The following FGF13 variants were observed in gnomAD, a reference collection of about 807,000 sequenced individuals.
FGF13 encodes the protein fibroblast growth factor homologous factor 2.
Under a neutral mutation model 19.5 loss-of-function variants are expected in FGF13, and 2 were observed. That is an observed-to-expected ratio of 0.10 (90% CI 0.04 to 0.32). The LOEUF (loss-of-function observed/expected upper bound fraction) is 0.32. FGF13 is among the 10% of genes least tolerant of loss of function. The pLI, the probability that FGF13 is intolerant of heterozygous loss-of-function variation, is 1.00. For missense variants in FGF13, 113 were observed against 192.7 expected (o/e 0.59, Z 2.45); for synonymous variants, 72 against 76.9 (o/e 0.94, Z 0.33).
chrX:139,040,029 G>C (rs1304065373), intron 1 of FGF13, among the ~76,000 whole-genome samples: 3 of 112,210 alleles, frequency 2.7e-5, no homozygotes, highest in African/African-American at 9.7e-5. Flanking sequence ...AGTATGGCCT[G>C]AGAGAACTTA....
chrX:139,057,672 G>T (rs985923766), intron 1 of FGF13, among the ~76,000 whole-genome samples: 6 of 111,929 alleles, frequency 5.4e-5, no homozygotes, highest in Non-Finnish European at 1.1e-4. Context: ...AAATATTTTG[G>T]TATATCCATA....
intron 1 of FGF13, among the ~76,000 whole-genome samples, chrX:139,033,027 CAAA>C (rs758766077): frequency 2.9e-4 from 8 of 27,267 alleles, no homozygotes; most frequent in African/African-American, 9.3e-4. Context: ...TCTGATTATC[CAAA>C]AAAAAAAAAA....
chrX:139,034,274 T>C (rs911272163), intron 1 of FGF13, among the ~76,000 whole-genome samples: 3 of 110,960 alleles, frequency 2.7e-5, no homozygotes, highest in Admixed American at 1.9e-4. Flanking sequence ...ATAGGAAAAG[T>C]ACCTACAGCA....
chrX:139,186,897 G>C (rs1603234282), intron 1 of FGF13, among the ~76,000 whole-genome samples: 1 of 111,795 alleles, frequency 8.9e-6, no homozygotes, highest in Non-Finnish European at 1.9e-5. Context: ...AGCATTCCCT[G>C]GTCCTTCAAG....
At position 138,632,877 on chromosome X, in the gene FGF13, T is replaced by C; in HGVS notation, c.711A>G (p.Lys237=). 8.3e-7 allele frequency: 1 copy of C among 1,209,696 alleles called. No individual in the cohort carries two copies. The highest frequency in any genetic ancestry group is 1.1e-6 in the Non-Finnish European group (1 of 894,463). The stretch of plus-strand genomic sequence containing the variant: ...ACGTTGATTCATTGTGGCTCATGGA[T>C]TTGCCTCCGTTCAGCACGCCAGAGA... ...RSVSGVLNGG[K]SMSHNEST is the part of the protein sequence containing the mutation. Residue 237 remains lysine (K), a synonymous_variant, in exon 5 of 5, where the codon AAA becomes AAG. Coordinates refer to ENST00000315930, the MANE Select transcript of FGF13 (RefSeq NM_004114.5).
chrX:139,056,179 T>C (rs1261571324), intron 1 of FGF13, among the ~76,000 whole-genome samples: 2 of 112,483 alleles, frequency 1.8e-5, no homozygotes, highest in East Asian at 5.6e-4. Flanking sequence ...GAACACCTAC[T>C]AGTACTACGT....
intron 1 of FGF13, among the ~76,000 whole-genome samples, chrX:138,981,680 C>T (rs1367829152): frequency 9.0e-6 from 1 of 110,664 alleles, no homozygotes. Flanking sequence ...AAATTGGGAA[C>T]CAGCCTACCT....
At chrX:139,127,556 T>C (rs1396773199) in intron 1 of FGF13, among the ~76,000 whole-genome samples, 1 of 111,310 alleles carries the variant, frequency 9.0e-6, no homozygotes, top group Non-Finnish European at 1.9e-5. Context: ...CAGTAATGTT[T>C]CCCAACTTTT....
chrX:139,147,060 A>G (rs1466454555), intron 1 of FGF13, among the ~76,000 whole-genome samples: 1 of 110,164 alleles, frequency 9.1e-6, no homozygotes, highest in Non-Finnish European at 1.9e-5. Context: ...TGGCACATGT[A>G]TACATATGTA....
At chrX:139,093,122 T>C (rs2083448973) in intron 1 of FGF13, among the ~76,000 whole-genome samples, 1 of 112,305 alleles carries the variant, frequency 8.9e-6, no homozygotes, top group South Asian at 3.7e-4. Flanking sequence ...TGCAAATACC[T>C]GTGGAGCACT....
At chrX:138,889,076 C>T (rs978462706) in intron 1 of FGF13, among the ~76,000 whole-genome samples, 3 of 111,602 alleles carry the variant, frequency 2.7e-5, no homozygotes, top group Non-Finnish European at 5.6e-5. Context: ...GAAAGACAGG[C>T]GAAAACAAAT....
At chrX:138,672,436 G>T (rs964056961) in intron 3 of FGF13, among the ~76,000 whole-genome samples, 1 of 111,677 alleles carries the variant, frequency 9.0e-6, no homozygotes, top group Non-Finnish European at 1.9e-5. Flanking sequence ...GATTTGTGGT[G>T]CATTGATGTG....
At chrX:139,123,079 A>G (rs1383558467) in intron 1 of FGF13, among the ~76,000 whole-genome samples, 2 of 110,670 alleles carry the variant, frequency 1.8e-5, no homozygotes, top group Non-Finnish European at 3.8e-5. Flanking sequence ...ACCCCCGTTG[A>G]GAACCACTGC....
At chrX:138,707,943 A>T (rs2090007820) in intron 2 of FGF13, among the ~76,000 whole-genome samples, 2 of 112,333 alleles carry the variant, frequency 1.8e-5, no homozygotes. Flanking sequence ...CTCAGCCGAC[A>T]ATTGGAATAT....
chrX:138,802,953 C>T (rs900113370), intron 3 of FGF13, among the ~76,000 whole-genome samples: 1 of 111,750 alleles, frequency 8.9e-6, no homozygotes, highest in Non-Finnish European at 1.9e-5. Flanking sequence ...CTTCTTATTT[C>T]TTTCTAGGAA....
intron 1 of FGF13, among the ~76,000 whole-genome samples, chrX:138,721,020 T>TA (rs2090143559): frequency 8.9e-6 from 1 of 112,109 alleles, no homozygotes; most frequent in Admixed American, 9.5e-5. Flanking sequence ...ATTCAGTACA[T>TA]ATTGTCAACA....
In FGF13 at chrX:138,711,664, A is replaced by G. The variant is rs1186151441; in HGVS notation, c.-661T>C. On this transcript the variant is annotated 5_prime_UTR_variant, in exon 1 of 5. Coordinates refer to ENST00000315930, the MANE Select transcript of FGF13 (RefSeq NM_004114.5). ...CTGTTGCTGCTGCTCTGGGCGCGGCACAGTCGCAGCACAGGAATTCAGCCG... is the reference window on the plus strand; with the variant it reads ...CTGTTGCTGCTGCTCTGGGCGCGGCGCAGTCGCAGCACAGGAATTCAGCCG... 2.7e-6 allele frequency: 2 copies of G among 753,143 alleles called. No homozygotes were observed. The highest frequency in any genetic ancestry group is 1.7e-4 in the Admixed American group (2 of 11,609). 62.1% of individuals were successfully genotyped at this position (753,143 alleles called of 1,213,427 possible).
At chrX:138,635,716 C>CA (rs1364334205) in intron 3 of FGF13, 61 bp from the exon 4 acceptor site, 2 of 935,457 alleles carry the variant, frequency 2.1e-6, no homozygotes, top group African/African-American at 1.9e-5. Context: ...CCTGTAGAAT[C>CA]ATGTGGTATT....
At chrX:139,177,023 C>T (rs1438660765) in intron 1 of FGF13, among the ~76,000 whole-genome samples, 1 of 110,601 alleles carries the variant, frequency 9.0e-6, no homozygotes, top group Non-Finnish European at 1.9e-5. Flanking sequence ...TAAAGTCTCC[C>T]AGTATTATTG....
Sources: allele counts gnomAD v4.1 joint callset (sites outside exome capture counted in the v4.1 genomes callset), GRCh38; gene constraint gnomAD v4.1.1; transcripts MANE v1.5; gene names NCBI Gene and HGNC (gene_info 2026-07-23, HGNC 2026-07-21).